The following PARD3 variants were observed in gnomAD, a reference collection of about 807,000 sequenced individuals.
PARD3 encodes partitioning defective 3 homolog.
Under a neutral mutation model 155.4 loss-of-function variants are expected in PARD3, and 75 were observed. That is an observed-to-expected ratio of 0.48 (90% CI 0.40 to 0.58). PARD3 has a LOEUF of 0.58. Ranked by LOEUF, PARD3 falls within the 20% of genes least tolerant of loss-of-function variation. The pLI is 0.00. For synonymous variants in PARD3, 576 were observed against 610.5 expected, an observed-to-expected ratio of 0.94 and a Z score of 0.83; for missense variants, 1,642 against 1,721.7, an observed-to-expected ratio of 0.95 and a Z score of 0.82.
At chr10:34,502,902 C>T (rs1315917220) in intron 3 of PARD3, among the ~76,000 whole-genome samples, 2 of 152,194 alleles carry the variant, frequency 1.3e-5, no homozygotes, top group Admixed American at 1.3e-4. Context: ...GACACAGGCC[C>T]ATGCATATCT....
At chr10:34,681,301 A>AG (rs1431097265) in intron 2 of PARD3, among the ~76,000 whole-genome samples, 3 of 152,138 alleles carry the variant, frequency 2.0e-5, no homozygotes, top group Admixed American at 6.5e-5. Context: ...CACAGGTTGG[A>AG]GGGAAAAAAA....
At chr10:34,560,157 T>C (rs1268015383) in intron 2 of PARD3, among the ~76,000 whole-genome samples, 3 of 152,190 alleles carry the variant, frequency 2.0e-5, no homozygotes, top group Non-Finnish European at 2.9e-5. Flanking sequence ...GGAGAAACCA[T>C]AGCTAACCAT....
At chr10:34,287,493 A>G (rs1223634594) in intron 20 of PARD3, among the ~76,000 whole-genome samples, 2 of 152,040 alleles carry the variant, frequency 1.3e-5, no homozygotes, top group Non-Finnish European at 2.9e-5. Context: ...GGTACAGTTT[A>G]GTCTTTAAGA....
At position 34,395,864 on chromosome 10, in the gene PARD3, A is replaced by G. The variant is rs890962005; in HGVS notation, c.890+3466T>C. 2.8e-3 allele frequency among the ~76,000 whole-genome samples: 85 copies of G among 30,396 alleles called. 26 individuals are homozygous for G. Among genetic ancestry groups the G allele is most frequent in the African/African-American group, 0.011 (10 of 916 alleles). The allele number at this position is 30,396 out of a possible 152,430, so 19.9% of individuals were successfully genotyped here. On this transcript the variant is annotated intron_variant, in intron 7 of 24. Coordinates refer to ENST00000374788, the MANE Select transcript of PARD3 (RefSeq NM_001184785.2). ...GTCTCAAAAAAAAAAAAAAAAAAAA[A>G]AAAGAAAAACATCATCATGGGGAAG...
At chr10:34,762,133 A>C (rs1334431261) in intron 1 of PARD3, among the ~76,000 whole-genome samples, 2 of 152,200 alleles carry the variant, frequency 1.3e-5, no homozygotes, top group Admixed American at 1.3e-4. Flanking sequence ...CCAAACCTGA[A>C]AGTCACCCAG....
At chr10:34,686,317 C>A (rs2093953313) in intron 2 of PARD3, among the ~76,000 whole-genome samples, 1 of 152,118 alleles carries the variant, frequency 6.6e-6, no homozygotes, top group Non-Finnish European at 1.5e-5. Flanking sequence ...ACTACATACT[C>A]AAGTTGCTTT....
chr10:34,276,418 T>G (rs1408942508), intron 21 of PARD3, among the ~76,000 whole-genome samples: 1 of 152,166 alleles, frequency 6.6e-6, no homozygotes, highest in Non-Finnish European at 1.5e-5. Flanking sequence ...CAATTAATGA[T>G]TTTAATTCCA....
chr10:34,608,190 T>C (rs925062243), intron 2 of PARD3, among the ~76,000 whole-genome samples: 6 of 152,208 alleles, frequency 3.9e-5, no homozygotes, highest in Admixed American at 2.0e-4. Flanking sequence ...ATTTCAGTTC[T>C]TCTGAATTCC....
chr10:34,127,007 T>G (rs1368407882), intron 23 of PARD3, among the ~76,000 whole-genome samples: 1 of 152,158 alleles, frequency 6.6e-6, no homozygotes, highest in Non-Finnish European at 1.5e-5. Flanking sequence ...TCCATGACCT[T>G]CAGTAGTTGA....
At chr10:34,658,873 C>T (rs115298454) in intron 2 of PARD3, among the ~76,000 whole-genome samples, 2,632 of 152,244 alleles carry the variant, frequency 0.017, 68 homozygotes, top group African/African-American at 0.06. Flanking sequence ...ATAAAATGGA[C>T]AAAACACCAG....
At chr10:34,655,839 A>G (rs2093152996) in intron 2 of PARD3, among the ~76,000 whole-genome samples, 1 of 152,196 alleles carries the variant, frequency 6.6e-6, no homozygotes, top group Non-Finnish European at 1.5e-5. Flanking sequence ...TTCCACAAAC[A>G]AGCCACAAAA....
At chr10:34,218,409 C>T (rs1952113370) in intron 22 of PARD3, among the ~76,000 whole-genome samples, 1 of 152,148 alleles carries the variant, frequency 6.6e-6, no homozygotes, top group African/African-American at 2.4e-5. Flanking sequence ...CAGATGATCA[C>T]CCTGAAGATG....
chr10:34,626,029 A>C (rs1479360683), intron 2 of PARD3, among the ~76,000 whole-genome samples: 1 of 152,218 alleles, frequency 6.6e-6, no homozygotes, highest in Non-Finnish European at 1.5e-5. Context: ...TCTATCTCAA[A>C]ATATCTTCAA....
chr10:34,129,832 C>CTTTT (rs71030099), intron 23 of PARD3, among the ~76,000 whole-genome samples: 6 of 120,124 alleles, frequency 5.0e-5, no homozygotes, highest in Admixed American at 8.7e-5. Context: ...TAATTAAAAA[C>CTTTT]TTTTTTTTTT....
At chr10:34,320,296 G>T (rs1468354072) in intron 19 of PARD3, among the ~76,000 whole-genome samples, 2 of 152,166 alleles carry the variant, frequency 1.3e-5, no homozygotes, top group African/African-American at 2.4e-5. Context: ...GAATGCTCAT[G>T]ATATTTGGTT....
At position 34,155,668 on chromosome 10, in the gene PARD3, ATGTGTGTGTGTG is replaced by A. The variant is rs3039232; in HGVS notation, c.3420-24097_3420-24086del. Among the ~76,000 whole-genome samples the A allele has an allele frequency of 2.3e-3, 323 of 140,426 alleles. 2 individuals carry two copies. Among genetic ancestry groups the A allele is most frequent in the Middle Eastern group, 0.018 (5 of 280 alleles). The allele number at this position is 140,426 out of a possible 152,430, so 92.1% of individuals were successfully genotyped here. On this transcript the variant is annotated intron_variant, in intron 22 of 24. Transcript: ENST00000374788. ...TTCAGAAACCACAAGCCCTCTAAAAATGTGTGTGTGTGTGTGTGTGTGTGTGTGTGTGTGTGT... is the reference window on the plus strand; with the variant it reads ...TTCAGAAACCACAAGCCCTCTAAAAATGTGTGTGTGTGTGTGTGTGTGTGT...
intron 2 of PARD3, among the ~76,000 whole-genome samples, chr10:34,625,273 C>T (rs1454296749): frequency 6.6e-6 from 1 of 152,224 alleles, no homozygotes; most frequent in Non-Finnish European, 1.5e-5. Context: ...TCCTGGAACT[C>T]CTATGAGTAC....
chr10:34,344,210 G>A (rs1837134235), intron 15 of PARD3: 1 of 984,900 alleles, frequency 1.0e-6, no homozygotes, highest in Admixed American at 6.2e-5. Flanking sequence ...TTTACGAAAT[G>A]GATGTGCTGG....
chr10:34,471,895 T>C (rs1445040413), intron 3 of PARD3, among the ~76,000 whole-genome samples: 1 of 152,236 alleles, frequency 6.6e-6, no homozygotes, highest in African/African-American at 2.4e-5. Context: ...AGTAAACTCA[T>C]CATTTGTTCT....
Sources: gnomAD v4.1 joint callset for allele counts (sites outside exome capture counted in the v4.1 genomes callset) on GRCh38, gnomAD v4.1.1 for gene constraint, MANE v1.5 for transcripts, NCBI Gene and HGNC (gene_info 2026-07-23, HGNC 2026-07-21) for gene names.